Variants in TDO2 observed in about 807,000 individuals in gnomAD.
TDO2 encodes tryptophan 2,3-dioxygenase.
A neutral mutation model predicts 61.2 loss-of-function variants in TDO2; 63 were observed. That is an observed-to-expected ratio of 1.03 (90% confidence interval 0.84 to 1.27). The LOEUF is 1.27. Among genes scored for constraint, TDO2 ranks in the 50% most tolerant of loss-of-function variants. The pLI is 0.00. For missense variants in TDO2, 494 were observed against 469.5 expected, an observed-to-expected ratio of 1.05 and a Z score of -0.48; for synonymous variants, 183 against 164.0, an observed-to-expected ratio of 1.12 and a Z score of -0.89.
chr4:155,914,434 G>A lies in TDO2; in HGVS notation c.838G>A (p.Gly280Ser). The change falls in exon 8 of 12, where the codon GGT (glycine) becomes AGT (serine). Residue 280 changes from glycine to serine, a missense_variant and splice_region_variant. Transcript: ENST00000536354. Reference sequence around the variant, plus strand: ...ACGTCATGAACATCTCCTTAGTAAAGGCAGGTATTTTTACTTTATGAATCT... The same window carrying A: ...ACGTCATGAACATCTCCTTAGTAAAAGCAGGTATTTTTACTTTATGAATCT... ...EKRHEHLLSK[G>S]ERRLSYRALQ... 6.3e-7 allele frequency: 1 copy of A among 1,575,778 alleles called. No homozygotes were observed. Among genetic ancestry groups the A allele is most frequent in the Non-Finnish European group, 8.6e-7 (1 of 1,167,062 alleles).
intron 3 of TDO2, chr4:155,906,234 C>T (rs549653363): frequency 1.2e-4 from 19 of 152,156 alleles, no homozygotes; most frequent in African/African-American, 4.3e-4. Context: ...AGGTATAGCA[C>T]ATAATAAACA....
intron 6 of TDO2, among the ~76,000 whole-genome samples, chr4:155,911,176 T>C (rs1264651597): frequency 1.3e-5 from 2 of 151,992 alleles, no homozygotes; most frequent in African/African-American, 4.8e-5. Flanking sequence ...ATATACTCTT[T>C]AAATATGTTT....
intron 9 of TDO2, 113 bp from the exon 10 acceptor site, chr4:155,917,282 A>G: frequency 1.3e-6 from 1 of 798,876 alleles, no homozygotes; most frequent in Non-Finnish European, 1.9e-6. Context: ...ACAGCTCCTC[A>G]CAGGCAAAGC....
chr4:155,908,394 C>T (rs1374744028), intron 4 of TDO2, among the ~76,000 whole-genome samples: 6 of 151,050 alleles, frequency 4.0e-5, no homozygotes, highest in African/African-American at 1.2e-4. Context: ...GGTCCTCTAC[C>T]TCTGAGCCCC....
At chr4:155,918,107 G>A (rs1742975500) in intron 10 of TDO2, 42 bp from the exon 11 acceptor site, 2 of 1,580,456 alleles carry the variant, frequency 1.3e-6, no homozygotes, top group Non-Finnish European at 1.7e-6. Context: ...TGGAACTAAT[G>A]GTGGAAAAAT....
intron 2 of TDO2, 127 bp from the exon 3 acceptor site, chr4:155,904,940 A>T (rs1742690470): frequency 1.6e-6 from 1 of 609,152 alleles, no homozygotes; most frequent in African/African-American, 1.9e-5. Context: ...TTTAAAAGAA[A>T]CTAGATTGGT....
rs182877262 is a variant in TDO2, at chr4:155,905,322, T to C, written c.232+165T>C. The C allele has an allele frequency of 1.5e-3, 870 of 584,724 alleles. 7 individuals are homozygous for C. The African/African-American group carries it at 0.015, about 10-fold the overall frequency. 36.2% of individuals were successfully genotyped at this position (584,724 alleles called of 1,614,324 possible). The stretch of plus-strand genomic sequence containing the variant: ...CAGATGAATTCTCATAGGACTGATA[T>C]AAGGATTTCAATAGTCTTCTTTATG... On this transcript the variant is annotated intron_variant, in intron 3 of 11. Coordinates refer to ENST00000536354, the MANE Select transcript of TDO2 (RefSeq NM_005651.4).
chr4:155,915,083 T>A (rs1742906980), intron 8 of TDO2, among the ~76,000 whole-genome samples: 1 of 152,170 alleles, frequency 6.6e-6, no homozygotes. Flanking sequence ...AGCATACATT[T>A]AGACTTTCGG....
chr4:155,918,027 G>A, intron 10 of TDO2, 122 bp from the exon 11 acceptor site: 1 of 927,504 alleles, frequency 1.1e-6, no homozygotes, highest in Non-Finnish European at 1.6e-6. Flanking sequence ...CTTCCATATG[G>A]CCAAGTGTTA....
intron 3 of TDO2, chr4:155,906,939 G>A (rs1159611142): frequency 2.6e-5 from 4 of 152,162 alleles, no homozygotes; most frequent in Admixed American, 2.0e-4. Context: ...CTTCCAACAT[G>A]TCATTACTGT....
intron 6 of TDO2, among the ~76,000 whole-genome samples, 194 bp from the exon 7 acceptor site, chr4:155,911,303 T>G (rs1255755440): frequency 6.6e-6 from 1 of 151,956 alleles, no homozygotes; most frequent in Non-Finnish European, 1.5e-5. Flanking sequence ...CCATAAAAAT[T>G]AAGAAAATTG....
intron 3 of TDO2, chr4:155,907,463 T>C (rs1462662478): frequency 2.7e-6 from 1 of 376,654 alleles, no homozygotes; most frequent in African/African-American, 2.1e-5. Context: ...AATGCATTTG[T>C]TGAGAGGAAT....
At chr4:155,907,872 T>A in intron 4 of TDO2, 80 bp downstream of exon 4, 1 of 1,036,600 alleles carries the variant, frequency 9.6e-7, no homozygotes, top group Non-Finnish European at 1.5e-6. Flanking sequence ...AGAAAAACAT[T>A]AACACCAAAT....
At position 155,903,780 on chromosome 4, in the gene TDO2, G is replaced by T. The variant is rs201490914; in HGVS notation, c.22G>T (p.Gly8Ter). The change falls in exon 1 of 12, where the codon GGA (glycine) becomes TGA (stop). Residue 8 changes from glycine (G) to a stop codon, truncating the protein, a stop_gained. Coordinates refer to ENST00000536354, the MANE Select transcript of TDO2 (RefSeq NM_005651.4). LOFTEE classifies it high-confidence loss of function. Reference protein sequence around the residue: MSGCPFLGNNFGYTFKKL... With the variant: MSGCPFL ...CACCATGAGTGGGTGCCCATTTTTA[G>T]GAAACAACTTTGGGTGAGTATTTAC... The T allele has an allele frequency of 1.2e-5, 19 of 1,614,038 alleles. No individual in the cohort carries two copies. The highest frequency in any genetic ancestry group is 2.7e-5 in the African/African-American group (2 of 74,924).
At chr4:155,908,151 A>G (rs546780463) in intron 4 of TDO2, among the ~76,000 whole-genome samples, 1 of 152,276 alleles carries the variant, frequency 6.6e-6, no homozygotes, top group South Asian at 2.1e-4. Flanking sequence ...TGGGAGCAAT[A>G]ATAAAGAAAG....
At position 155,911,583 on chromosome 4, in the gene TDO2, A is replaced by T. The variant is rs768087619; in HGVS notation, c.705A>T (p.Glu235Asp). ...KLEKNITRGLEEEFIRIQAKE... is the reference protein window; with the variant it reads ...KLEKNITRGLDEEFIRIQAKE... Reference sequence around the variant, plus strand: ...AAAAAAATATCACCAGAGGCCTGGAAGAGGAATTCATAAGGATTCAGGTAT... The same window carrying T: ...AAAAAAATATCACCAGAGGCCTGGATGAGGAATTCATAAGGATTCAGGTAT... Residue 235 changes from glutamate (E) to aspartate (D), a missense_variant, in exon 7 of 12, where the codon GAA (glutamate) becomes GAT (aspartate). Coordinates refer to ENST00000536354, the MANE Select transcript of TDO2 (RefSeq NM_005651.4). 1 of 1,588,942 alleles carries T rather than the reference A, an allele frequency of 6.3e-7. No homozygotes were observed. Among genetic ancestry groups the T allele is most frequent in the South Asian group, 1.1e-5 (1 of 87,482 alleles).
rs1743016871 is a variant in TDO2 at position 155,920,151 on chromosome 4, A to T, written c.*161A>T. ...ACAATTTGATTACCTCTTGTTTGTGACAAGACTAAGCATTAAGATGAGAAA... is the reference window on the plus strand; with the variant it reads ...ACAATTTGATTACCTCTTGTTTGTGTCAAGACTAAGCATTAAGATGAGAAA... On this transcript the variant is annotated 3_prime_UTR_variant, in exon 12 of 12. Transcript: ENST00000536354. 35 of 650,554 alleles carry T rather than the reference A, an allele frequency of 5.4e-5. No homozygotes were observed. The South Asian group carries it at 6.3e-4, about 12-fold the overall frequency. The allele number at this position is 650,554 out of a possible 1,614,324, so 40.3% of individuals were successfully genotyped here.
intron 9 of TDO2, among the ~76,000 whole-genome samples, chr4:155,916,651 AAAGTTTG>A (rs1742942515): frequency 1.3e-5 from 2 of 152,150 alleles, no homozygotes; most frequent in Non-Finnish European, 2.9e-5. Flanking sequence ...CATTGTCTAA[AAAGTTTG>A]AAGTATTCCT....
Position 155,910,084 on chromosome 4 carries a change from A to C in TDO2, c.491A>C (p.Lys164Thr). Residue 164 changes from lysine to threonine, a missense_variant, in exon 6 of 12, where the codon AAG (lysine) becomes ACG (threonine). Coordinates refer to ENST00000536354, the MANE Select transcript of TDO2 (RefSeq NM_005651.4). ...TTGCAATTCCGACTATTAGAAAACA[A>C]GATAGGTGTTCTTCAGAACATGAGA... ...QSLQFRLLEN[K>T]IGVLQNMRVP... 6.3e-7 allele frequency: 1 copy of C among 1,597,608 alleles called. No individual in the cohort carries two copies. Among genetic ancestry groups the C allele is most frequent in the African/African-American group, 1.4e-5 (1 of 73,560 alleles).
Sources: gnomAD v4.1 joint callset for allele counts (sites outside exome capture counted in the v4.1 genomes callset) on GRCh38, gnomAD v4.1.1 for gene constraint, MANE v1.5 for transcripts, NCBI Gene and HGNC (gene_info 2026-07-23, HGNC 2026-07-21) for gene names.